The following WIPF3 variants were observed in gnomAD, a reference collection of about 807,000 sequenced individuals.
WIPF3 encodes WAS/WASL-interacting protein family member 3.
Under a neutral mutation model 38.9 loss-of-function variants are expected in WIPF3, and 33 were observed. That is an observed-to-expected ratio of 0.85 (90% CI 0.64 to 1.14). WIPF3 has a LOEUF of 1.14. Among genes scored for constraint, WIPF3 ranks in the 50% most tolerant of loss-of-function variants. The pLI is 0.00. For missense variants in WIPF3, 711 were observed against 652.5 expected, an observed-to-expected ratio of 1.09 and a Z score of -0.98; for synonymous variants, 324 against 269.3, an observed-to-expected ratio of 1.20 and a Z score of -1.99.
intron 8 of WIPF3, chr7:29,906,033 A>C (rs1786390785): frequency 6.6e-6 from 1 of 152,238 alleles, no homozygotes; most frequent in African/African-American, 2.4e-5. Context: ...TAAAATGAAC[A>C]AAAACAATAA....
At position 29,901,707 on chromosome 7, in the gene WIPF3, G is replaced by A. The variant is rs541248188; in HGVS notation, c.1352-2579G>A. On this transcript the variant is annotated intron_variant, in intron 7 of 8. Transcript: ENST00000242140. ...TAAAAAAGTAGCCAGGTGTGGTGGT[G>A]TGCACCTGTAGTCCCAGCTACTCGG... Among the ~76,000 whole-genome samples, 6 of 151,280 alleles carry A rather than the reference G, an allele frequency of 4.0e-5. No individual in the cohort carries two copies. In the South Asian group the frequency reaches 1.3e-3, roughly 32 times the overall value.
intron 1 of WIPF3, among the ~76,000 whole-genome samples, chr7:29,825,361 T>A (rs974678726): frequency 6.6e-6 from 1 of 152,106 alleles, no homozygotes; most frequent in East Asian, 1.9e-4. Flanking sequence ...GGAAAAAAAA[T>A]ATTAAGCTCC....
chr7:29,838,272 C>T (rs1175660107), intron 2 of WIPF3, among the ~76,000 whole-genome samples: 1 of 152,094 alleles, frequency 6.6e-6, no homozygotes, highest in Non-Finnish European at 1.5e-5. Context: ...GCACTTATAA[C>T]TCTTGGTGGG....
chr7:29,869,679 T>C (rs550811146), intron 2 of WIPF3, among the ~76,000 whole-genome samples: 1 of 152,354 alleles, frequency 6.6e-6, no homozygotes, highest in Non-Finnish European at 1.5e-5. Flanking sequence ...TTTCTTTCTA[T>C]TCTTCCCATC....
intron 7 of WIPF3, among the ~76,000 whole-genome samples, chr7:29,889,965 G>T (rs1785970158): frequency 2.6e-5 from 4 of 152,194 alleles, no homozygotes; most frequent in African/African-American, 9.7e-5. Flanking sequence ...TACAGCCAAG[G>T]TTGAGAATAA....
chr7:29,891,240 A>C (rs1307881576), intron 7 of WIPF3, among the ~76,000 whole-genome samples: 74 of 45,144 alleles, frequency 1.6e-3, no homozygotes, highest in Middle Eastern at 0.019. Flanking sequence ...GGAGGGGGCG[A>C]GGGCCTGCCC....
chr7:29,852,821 T>A (rs565613442), intron 2 of WIPF3, among the ~76,000 whole-genome samples: 1 of 152,308 alleles, frequency 6.6e-6, no homozygotes, highest in East Asian at 1.9e-4. Context: ...GGAGTGTGTG[T>A]CCAAAGTCAC....
In WIPF3 at chr7:29,883,977, T is replaced by G. The variant is rs2128075572; in HGVS notation, c.483T>G (p.Ala161=). 1 of 1,541,654 alleles carries G rather than the reference T, an allele frequency of 6.5e-7. No homozygotes were observed. Among genetic ancestry groups the G allele is most frequent in the East Asian group, 2.5e-5 (1 of 40,692 alleles). ...RLGNTSEAHG[A]ARTAPPRPNV... Reference sequence around the variant, plus strand: ...GCAATACCTCCGAGGCGCATGGCGCTGCCAGGACAGCCCCGCCTCGCCCCA... The same window carrying G: ...GCAATACCTCCGAGGCGCATGGCGCGGCCAGGACAGCCCCGCCTCGCCCCA... The change falls in exon 5 of 9, where the codon GCT becomes GCG. Residue 161 remains alanine, a synonymous_variant. Transcript: ENST00000242140.
At chr7:29,827,153 A>G (rs1002365403) in intron 1 of WIPF3, among the ~76,000 whole-genome samples, 1 of 152,204 alleles carries the variant, frequency 6.6e-6, no homozygotes, top group African/African-American at 2.4e-5. Flanking sequence ...ATTTCCCCCA[A>G]TCCTGTTCCT....
intron 2 of WIPF3, among the ~76,000 whole-genome samples, chr7:29,865,442 C>G (rs1785369527): frequency 1.3e-5 from 2 of 152,104 alleles, no homozygotes; most frequent in East Asian, 3.9e-4. Context: ...TTTTGGCAGC[C>G]CAACTAGCAG....
chr7:29,895,021 G>A (rs763449221), intron 7 of WIPF3, among the ~76,000 whole-genome samples: 10 of 151,350 alleles, frequency 6.6e-5, no homozygotes, highest in Admixed American at 1.3e-4. Flanking sequence ...GCGTGATCTC[G>A]GCTCACTACA....
chr7:29,881,112 A>T (rs974305293), intron 4 of WIPF3, among the ~76,000 whole-genome samples: 1 of 152,206 alleles, frequency 6.6e-6, no homozygotes, highest in Non-Finnish European at 1.5e-5. Context: ...GTCTCTGCTC[A>T]GGTGGCAGCT....
chr7:29,834,762 C>T lies in WIPF3; in HGVS notation c.38C>T (p.Pro13Leu). ...VPPPPPPPLP[P>L]PPPPLGAPPP... ...CCGCCACCCCCACCTCCTCTGCCTC[C>T]ACCTCCCCCGCCTCTGGGGGCTCCT... The change falls in exon 2 of 9, where the codon CCA (proline) becomes CTA (leucine). Residue 13 changes from proline to leucine, a missense_variant. Physicochemically the swap from Pro to Leu is moderately conservative, Grantham distance 98. Transcript: ENST00000242140. The T allele has an allele frequency of 6.7e-7, 1 of 1,482,986 alleles. No individual in the cohort carries two copies. The highest frequency in any genetic ancestry group is 1.4e-5 in the South Asian group (1 of 73,724). The allele number at this position is 1,482,986 out of a possible 1,614,324, so 91.9% of individuals were successfully genotyped here.
chr7:29,808,783 C>G (rs1189755509), intron 1 of WIPF3, among the ~76,000 whole-genome samples: 1 of 152,032 alleles, frequency 6.6e-6, no homozygotes, highest in African/African-American at 2.4e-5. Context: ...TGGCAACGCT[C>G]TTTTTAGGAG....
intron 7 of WIPF3, among the ~76,000 whole-genome samples, chr7:29,903,017 G>T (rs11984342): frequency 0.15 from 22,514 of 152,040 alleles, 1,833 homozygotes; most frequent in African/African-American, 0.19. Flanking sequence ...TTCCTGCAGG[G>T]TGCAGTAGCT....
rs1188393801 is a variant in WIPF3, at chr7:29,889,375, G to A, written c.1319G>A (p.Cys440Tyr). ...CCCCCTCCGGATGAATATAAACCATGCCAGAAGATTTACCCCAGCAAGATC... is the reference window on the plus strand; with the variant it reads ...CCCCCTCCGGATGAATATAAACCATACCAGAAGATTTACCCCAGCAAGATC... ...DFPPPDEYKP[C>Y]QKIYPSKIPR... The change falls in exon 7 of 9, where the codon TGC (cysteine) becomes TAC (tyrosine). Residue 440 changes from cysteine to tyrosine, a missense_variant. By Grantham distance (194) the Cys-to-Tyr change is radical. Coordinates refer to ENST00000242140, the MANE Select transcript of WIPF3 (RefSeq NM_001080529.3). 3 of 1,613,820 alleles carry A rather than the reference G, an allele frequency of 1.9e-6. No individual in the cohort carries two copies. The African/African-American group carries it at 4.0e-5, about 22-fold the overall frequency.
chr7:29,846,194 T>A (rs1784997342), intron 2 of WIPF3, among the ~76,000 whole-genome samples: 1 of 152,228 alleles, frequency 6.6e-6, no homozygotes, highest in South Asian at 2.1e-4. Context: ...GCCTTTCTCA[T>A]TCCAACTCAT....
intron 2 of WIPF3, among the ~76,000 whole-genome samples, chr7:29,845,200 T>G (rs1784980367): frequency 6.6e-6 from 1 of 152,182 alleles, no homozygotes; most frequent in Non-Finnish European, 1.5e-5. Context: ...AAAAAGAAGA[T>G]GCAGTGCAAA....
intron 2 of WIPF3, among the ~76,000 whole-genome samples, chr7:29,854,606 C>G (rs1305727426): frequency 6.6e-6 from 1 of 152,170 alleles, no homozygotes. Flanking sequence ...CAGAAGTGAC[C>G]TGGGCCAGGT....
Sources: allele counts gnomAD v4.1 joint callset (sites outside exome capture counted in the v4.1 genomes callset), GRCh38; gene constraint gnomAD v4.1.1; transcripts MANE v1.5; gene names NCBI Gene and HGNC (gene_info 2026-07-23, HGNC 2026-07-21).